TMEM108: variants seen among roughly 807,000 people sequenced by gnomAD.
TMEM108 encodes transmembrane protein 108, also known as cancer/testis antigen 124.
A neutral mutation model predicts 35.1 loss-of-function variants in TMEM108; 12 were observed. The observed-to-expected ratio is 0.34, with a 90% CI of 0.22 to 0.55. TMEM108 has a LOEUF of 0.55. Ranked by LOEUF, TMEM108 falls within the 20% of genes least tolerant of loss-of-function variation. The pLI is 0.89. For missense variants in TMEM108, 680 were observed against 753.3 expected (o/e 0.90, Z 1.14); for synonymous variants, 287 against 308.6 (o/e 0.93, Z 0.73).
At chr3:133,161,696 C>T (rs1403852748) in intron 2 of TMEM108, among the ~76,000 whole-genome samples, 1 of 147,996 alleles carries the variant, frequency 6.8e-6, no homozygotes, top group Non-Finnish European at 1.5e-5. Flanking sequence ...TTTACTCATT[C>T]CCTCAAAAAA....
At chr3:133,155,126 G>T (rs1162426970) in intron 2 of TMEM108, among the ~76,000 whole-genome samples, 1 of 152,068 alleles carries the variant, frequency 6.6e-6, no homozygotes, top group Non-Finnish European at 1.5e-5. Flanking sequence ...TTCTGATCTT[G>T]CATTCGTTTG....
intron 3 of TMEM108, among the ~76,000 whole-genome samples, chr3:133,332,841 AC>A (rs2071413912): frequency 6.6e-6 from 1 of 152,250 alleles, no homozygotes; most frequent in Non-Finnish European, 1.5e-5. Context: ...ACTTTCACAA[AC>A]TATTTCAGGA....
chr3:133,216,667 C>T (rs779924787), intron 2 of TMEM108, among the ~76,000 whole-genome samples: 2 of 151,940 alleles, frequency 1.3e-5, no homozygotes, highest in Non-Finnish European at 1.5e-5. Flanking sequence ...TTAGATTAAA[C>T]GTATAAGTGA....
At chr3:133,219,102 C>T (rs140552089) in intron 2 of TMEM108, among the ~76,000 whole-genome samples, 95 of 152,128 alleles carry the variant, frequency 6.2e-4, no homozygotes, top group African/African-American at 2.1e-3. Context: ...CTTCATGATT[C>T]GCTCTTAGTA....
intron 2 of TMEM108, among the ~76,000 whole-genome samples, chr3:133,114,731 T>C (rs763182254): frequency 1.1e-4 from 16 of 152,128 alleles, no homozygotes; most frequent in Non-Finnish European, 2.4e-4. Flanking sequence ...CTTCCATGGA[T>C]AGAAATATGA....
In TMEM108 at chr3:133,073,510, C is replaced by CTCTCTCTCTCTCTATATATA; in HGVS notation, c.-47+27491_-47+27492insCTCTCTCTCTCTATATATAT. 2.0e-3 allele frequency among the ~76,000 whole-genome samples: 88 copies of CTCTCTCTCTCTCTATATATA among 43,836 alleles called. 1 individual carries two copies. The highest frequency in any genetic ancestry group is 4.2e-3 in the Admixed American group (12 of 2,854). The allele number at this position is 43,836 out of a possible 152,430, so 28.8% of individuals were successfully genotyped here. ...TCTCTCTCTCTCTCTCTCTCTCTCT[C>CTCTCTCTCTCTCTATATATA]TATATATATATATATATATATATAT... On this transcript the variant is annotated intron_variant, in intron 2 of 5. Coordinates refer to ENST00000321871, the MANE Select transcript of TMEM108 (RefSeq NM_023943.4).
At chr3:133,164,069 A>G (rs949052954) in intron 2 of TMEM108, among the ~76,000 whole-genome samples, 4 of 152,262 alleles carry the variant, frequency 2.6e-5, no homozygotes, top group South Asian at 4.2e-4. Flanking sequence ...ACTCTTCATA[A>G]TATTGTTTTC....
At chr3:133,288,492 T>C (rs1403645439) in intron 3 of TMEM108, among the ~76,000 whole-genome samples, 1 of 152,200 alleles carries the variant, frequency 6.6e-6, no homozygotes, top group Admixed American at 6.5e-5. Context: ...AAGTTCCTTG[T>C]GGAGAGAATG....
chr3:133,194,126 G>A (rs1344952814), intron 2 of TMEM108, among the ~76,000 whole-genome samples: 3 of 151,852 alleles, frequency 2.0e-5, no homozygotes, highest in African/African-American at 7.3e-5. Flanking sequence ...TAGTAGAGAC[G>A]GGGTTTCACC....
At chr3:133,232,200 G>T (rs1172240706) in intron 3 of TMEM108, among the ~76,000 whole-genome samples, 1 of 152,180 alleles carries the variant, frequency 6.6e-6, no homozygotes, top group Non-Finnish European at 1.5e-5. Context: ...CGTTTTGGAG[G>T]TAGGGCTAAA....
chr3:133,304,818 A>G (rs1336307564), intron 3 of TMEM108, among the ~76,000 whole-genome samples: 1 of 152,164 alleles, frequency 6.6e-6, no homozygotes, highest in Non-Finnish European at 1.5e-5. Context: ...GCAGTGGCTC[A>G]TGCCTGTAAT....
At chr3:133,084,854 C>G (rs1039445491) in intron 2 of TMEM108, among the ~76,000 whole-genome samples, 1 of 152,058 alleles carries the variant, frequency 6.6e-6, no homozygotes, top group South Asian at 2.1e-4. Context: ...TCATCAAGAC[C>G]AGCTCTTTTA....
chr3:133,225,775 AAC>A (rs1170385354), intron 2 of TMEM108, among the ~76,000 whole-genome samples: 1 of 152,240 alleles, frequency 6.6e-6, no homozygotes, highest in Non-Finnish European at 1.5e-5. Flanking sequence ...GTTTAATTTA[AAC>A]ACTTATTGTT....
intron 3 of TMEM108, among the ~76,000 whole-genome samples, chr3:133,279,968 T>C (rs1946890146): frequency 6.6e-6 from 1 of 152,178 alleles, no homozygotes; most frequent in South Asian, 2.1e-4. Context: ...AGTTGCCCCT[T>C]AAGAGTTCTG....
intron 3 of TMEM108, among the ~76,000 whole-genome samples, chr3:133,255,485 T>C (rs991815812): frequency 6.6e-6 from 1 of 152,060 alleles, no homozygotes; most frequent in African/African-American, 2.4e-5. Flanking sequence ...TGGAATATAC[T>C]ATGGAGAAAT....
At chr3:133,281,670 A>G (rs1040808036) in intron 3 of TMEM108, among the ~76,000 whole-genome samples, 2 of 152,232 alleles carry the variant, frequency 1.3e-5, no homozygotes, top group Non-Finnish European at 2.9e-5. Context: ...GGGCTGGTTC[A>G]GGGTAGCATT....
chr3:133,254,845 A>C (rs1400950972), intron 3 of TMEM108, among the ~76,000 whole-genome samples: 2 of 152,190 alleles, frequency 1.3e-5, no homozygotes, highest in Non-Finnish European at 2.9e-5. Flanking sequence ...CTGGGTCCTC[A>C]GCTAGATGGC....
chr3:133,078,601 C>G (rs913732865), intron 2 of TMEM108, among the ~76,000 whole-genome samples: 1 of 152,138 alleles, frequency 6.6e-6, no homozygotes, highest in African/African-American at 2.4e-5. Flanking sequence ...TTGATAGCAA[C>G]TCAGTAATTT....
chr3:133,078,185 GTGTA>G (rs1486557385), intron 2 of TMEM108, among the ~76,000 whole-genome samples: 12 of 115,690 alleles, frequency 1.0e-4, no homozygotes, highest in Non-Finnish European at 1.5e-4. Context: ...ACACGTGTGT[GTGTA>G]TATCTCAGAT....
Sources: allele counts gnomAD v4.1 joint callset (sites outside exome capture counted in the v4.1 genomes callset), GRCh38; gene constraint gnomAD v4.1.1; transcripts MANE v1.5; gene names NCBI Gene and HGNC (gene_info 2026-07-23, HGNC 2026-07-21).